The following ZNF540 variants were observed in gnomAD, a reference collection of about 807,000 sequenced individuals.
ZNF540 encodes CTD-3064H18.6.
ZNF540 carries 3 observed loss-of-function variants against 11.8 expected under a neutral mutation model. That is an observed-to-expected ratio of 0.25 (90% CI 0.12 to 0.65). The LOEUF is 0.65. ZNF540 is among the 30% of genes least tolerant of loss of function. The pLI is 0.83. For synonymous variants in ZNF540, 247 were observed against 259.0 expected (o/e 0.95, Z 0.45); for missense variants, 709 against 793.1 (o/e 0.89, Z 1.27).
chr19:37,612,219 C>T lies in ZNF540; in HGVS notation c.939C>T (p.Tyr313=), dbSNP rs1424215233. ...GAAAAGTTTTTCAACTTATTTTCTACTTTAAAGAACATGAGAGAATTCATA... is the reference window on the plus strand; with the variant it reads ...GAAAAGTTTTTCAACTTATTTTCTATTTTAAAGAACATGAGAGAATTCATA... ...ECGKVFQLIF[Y]FKEHERIHTG... Residue 313 remains tyrosine, a synonymous_variant, in exon 5 of 5, where the codon TAC becomes TAT. Transcript: ENST00000316433. 1 of 1,613,006 alleles carries T rather than the reference C, an allele frequency of 6.2e-7. No individual in the cohort carries two copies. Among genetic ancestry groups the T allele is most frequent in the Non-Finnish European group, 8.5e-7 (1 of 1,179,812 alleles).
intron 4 of ZNF540, among the ~76,000 whole-genome samples, chr19:37,602,339 G>A (rs1219043949): frequency 6.6e-6 from 1 of 152,176 alleles, no homozygotes; most frequent in Non-Finnish European, 1.5e-5. Flanking sequence ...AACAGAGATG[G>A]TAGGATGAGT....
intron 1 of ZNF540, among the ~76,000 whole-genome samples, chr19:37,576,911 T>G (rs2043261352): frequency 1.3e-5 from 2 of 151,136 alleles, no homozygotes; most frequent in South Asian, 4.2e-4. Flanking sequence ...CTTATATCCC[T>G]TTTTTTTTGT....
chr19:37,606,100 A>G (rs901248250), intron 4 of ZNF540, among the ~76,000 whole-genome samples: 1 of 152,152 alleles, frequency 6.6e-6, no homozygotes, highest in Non-Finnish European at 1.5e-5. Flanking sequence ...CTACAGCTTT[A>G]GGCAGCTACT....
chr19:37,577,645 G>A (rs2043288722), intron 1 of ZNF540, among the ~76,000 whole-genome samples: 1 of 152,166 alleles, frequency 6.6e-6, no homozygotes, highest in South Asian at 2.1e-4. Context: ...TAGCAAAATA[G>A]TGAGAAGATC....
chr19:37,612,686 G>T lies in ZNF540; in HGVS notation c.1406G>T (p.Cys469Phe), dbSNP rs1276712892. The change falls in exon 5 of 5, where the codon TGT becomes TTT. Residue 469 changes from cysteine to phenylalanine, a missense_variant. Cys to Phe is a radical substitution (Grantham distance 205, BLOSUM62 -2). Coordinates refer to ENST00000316433, the MANE Select transcript of ZNF540 (RefSeq NM_001172225.3). ...CATACTGGTGTGAAGCCCTACGAAT[G>T]TAAGGAATGTGGGAAGACCTTTCGA... The part of the protein sequence containing the change: ...RLHTGVKPYE[C>F]KECGKTFRVR... 6.2e-7 allele frequency: 1 copy of T among 1,614,160 alleles called. No individual in the cohort carries two copies. The highest frequency in any genetic ancestry group is 1.7e-5 in the Admixed American group (1 of 60,028).
Position 37,612,399 on chromosome 19 carries a change from C to A in ZNF540, c.1119C>A (p.His373Gln). The change falls in exon 5 of 5, where the codon CAC becomes CAA. Residue 373 changes from histidine to glutamine, a missense_variant. Coordinates refer to ENST00000316433, the MANE Select transcript of ZNF540 (RefSeq NM_001172225.3). ...TFRLSFYLTE[H>Q]RRTHAGKKPY... Reference sequence around the variant, plus strand: ...GACTTAGTTTTTACCTTACTGAACACAGAAGAACTCATGCAGGTAAGAAAC... The same window carrying A: ...GACTTAGTTTTTACCTTACTGAACAAAGAAGAACTCATGCAGGTAAGAAAC... 1 of 1,613,262 alleles carries A rather than the reference C, an allele frequency of 6.2e-7. No individual in the cohort carries two copies. Among genetic ancestry groups the A allele is most frequent in the Non-Finnish European group, 8.5e-7 (1 of 1,179,838 alleles).
Position 37,612,571 on chromosome 19 carries a change from AG to A in ZNF540, c.1292del (p.Arg431LysfsTer34), listed in dbSNP as rs2044140290. The A allele has an allele frequency of 6.2e-7, 1 of 1,614,144 alleles. No individual in the cohort carries two copies. The highest frequency in any genetic ancestry group is 1.1e-5 in the South Asian group (1 of 91,090). On this transcript the variant is annotated frameshift_variant, in exon 5 of 5. Transcript: ENST00000316433. LOFTEE classifies it low-confidence loss of function (END_TRUNC). ...SYSGDLRVHS[R>X]IHTGEKPYEC... The stretch of plus-strand genomic sequence containing the variant: ...TAGTGGTGACCTCAGAGTACATTCT[AG>A]AATTCATACTGGAGAGAAACCATAT...
At position 37,601,036 on chromosome 19, in the gene ZNF540, ATTACC is replaced by A. The variant is rs760294062; in HGVS notation, c.168_172del (p.Leu57GlyfsTer26). ...ATATTCTGGCTCAAAGCCAGATGTG[ATTACC>A]TTACTGGAGCAAGGGAAAGAGCCCT... is the stretch of plus-strand genomic sequence containing the variant. On this transcript the variant is annotated frameshift_variant, in exon 4 of 5. Coordinates refer to ENST00000316433, the MANE Select transcript of ZNF540 (RefSeq NM_001172225.3). LOFTEE classifies it high-confidence loss of function. The A allele has an allele frequency of 4.4e-6, 7 of 1,589,568 alleles. No homozygotes were observed. Among genetic ancestry groups the A allele is most frequent in the South Asian group, 3.4e-5 (3 of 87,358 alleles).
chr19:37,593,159 G>T (rs982449844), upstream of ZNF540, among the ~76,000 whole-genome samples: 20 of 151,718 alleles, frequency 1.3e-4, no homozygotes, highest in African/African-American at 4.4e-4. Context: ...CAGCATCATG[G>T]TTATTTTAAA....
At chr19:37,598,307 T>C in intron 1 of ZNF540, 69 bp from the exon 2 acceptor site, 1 of 775,520 alleles carries the variant, frequency 1.3e-6, no homozygotes, top group East Asian at 2.6e-5. Context: ...AGATTATTAA[T>C]TTATATCATA....
intron 1 of ZNF540, chr19:37,575,567 C>T (rs1600493070): frequency 6.6e-6 from 1 of 152,200 alleles, no homozygotes; most frequent in East Asian, 1.9e-4. Flanking sequence ...ATGTGTCCCA[C>T]TTCTCGTTCT....
Position 37,613,158 on chromosome 19 carries a change from G to A in ZNF540, c.1878G>A (p.Gln626=), listed in dbSNP as rs1237806326. 4.3e-6 allele frequency: 7 copies of A among 1,613,686 alleles called. No individual in the cohort carries two copies. The highest frequency in any genetic ancestry group is 1.1e-5 in the South Asian group (1 of 91,050). ...FRLNSHLTEH[Q]RIHTGEKPYE... is the part of the protein sequence containing the mutation. Reference sequence around the variant, plus strand: ...TTAATTCACACCTTACTGAACATCAGAGAATTCACACTGGTGAGAAACCCT... The same window carrying A: ...TTAATTCACACCTTACTGAACATCAAAGAATTCACACTGGTGAGAAACCCT... The change falls in exon 5 of 5, where the codon CAG becomes CAA. Residue 626 remains glutamine, a synonymous_variant. Transcript: ENST00000316433.
At chr19:37,561,046 T>C (rs1260786005) in intron 1 of ZNF540, among the ~76,000 whole-genome samples, 3 of 11,432 alleles carry the variant, frequency 2.6e-4, no homozygotes, top group Non-Finnish European at 6.5e-4. Context: ...ACCCTGTCTC[T>C]ACAAAAAAAA....
Position 37,613,451 on chromosome 19 carries a change from A to C in ZNF540, c.*188A>C. The C allele has an allele frequency of 2.1e-6, 1 of 467,812 alleles. No homozygotes were observed. The highest frequency in any genetic ancestry group is 6.5e-5 in the South Asian group (1 of 15,372). The allele number at this position is 467,812 out of a possible 1,614,324, so 29.0% of individuals were successfully genotyped here. A position where few individuals can be genotyped will look rare whatever the true frequency, so the allele number is the denominator to read the frequency against. ...TAGAAAATAAAGCTGTTAATGTAACAGTTGTGGAAAAGTGTTCTAGCAACA... is the reference window on the plus strand; with the variant it reads ...TAGAAAATAAAGCTGTTAATGTAACCGTTGTGGAAAAGTGTTCTAGCAACA... On this transcript the variant is annotated 3_prime_UTR_variant, in exon 5 of 5. Coordinates refer to ENST00000316433, the MANE Select transcript of ZNF540 (RefSeq NM_001172225.3).
In ZNF540 at chr19:37,598,419, G is replaced by T. The variant is rs1283336668; in HGVS notation, c.-29G>T. The stretch of plus-strand genomic sequence containing the variant: ...TCTCCAGCAGAATAATCCTGCGGAA[G>T]ACTGAGCAGTTCTTGTGAGTGTAAA... On this transcript the variant is annotated 5_prime_UTR_variant, in exon 2 of 5. Transcript: ENST00000316433. 2.5e-6 allele frequency: 4 copies of T among 1,613,376 alleles called. No homozygotes were observed. In the African/African-American group the frequency reaches 5.3e-5, roughly 22 times the overall value.
At chr19:37,575,254 C>T (rs1228266703) in intron 1 of ZNF540, among the ~76,000 whole-genome samples, 1 of 152,202 alleles carries the variant, frequency 6.6e-6, no homozygotes, top group African/African-American at 2.4e-5. Flanking sequence ...TGTACTAGTA[C>T]TATTATGCTT....
rs527459498 is a variant in ZNF540, at chr19:37,565,914, G to A, written c.-73+14249G>A. On this transcript the variant is annotated intron_variant, in intron 1 of 4. Transcript: ENST00000592533. ...GGCTTTTTGCTAAAGGTATTCCTGT[G>A]TTTCTTAACTTCAGAGCATTTTTCT... is the stretch of plus-strand genomic sequence containing the variant. The A allele has an allele frequency of 5.0e-6, 8 of 1,613,838 alleles. No homozygotes were observed. The South Asian group carries it at 7.7e-5, about 16-fold the overall frequency.
chr19:37,596,768 C>T (rs551998128), intron 1 of ZNF540, among the ~76,000 whole-genome samples: 3 of 152,102 alleles, frequency 2.0e-5, no homozygotes, highest in Admixed American at 6.5e-5. Flanking sequence ...TATAACATGG[C>T]GTGAGGGCAT....
At chr19:37,598,155 T>C (rs1265131779) in intron 1 of ZNF540, among the ~76,000 whole-genome samples, 2 of 152,204 alleles carry the variant, frequency 1.3e-5, no homozygotes, top group Admixed American at 1.3e-4. Context: ...CCTGCTGAAA[T>C]ATTGGTCATG....
Sources: allele counts gnomAD v4.1 joint callset (sites outside exome capture counted in the v4.1 genomes callset), GRCh38; gene constraint gnomAD v4.1.1; transcripts MANE v1.5; gene names NCBI Gene and HGNC (gene_info 2026-07-23, HGNC 2026-07-21).